The following DHRSX variants were observed in gnomAD, a reference collection of about 807,000 sequenced individuals.
DHRSX encodes dehydrogenase/reductase X-linked.
In DHRSX, 31 loss-of-function variants were observed where a neutral mutation model predicts 34.0. That is an observed-to-expected ratio of 0.91 (90% confidence interval 0.69 to 1.23). The LOEUF (loss-of-function observed/expected upper bound fraction) is 1.23, where lower values mean the gene tolerates loss of function less well. Among genes scored for constraint, DHRSX ranks in the 50% most tolerant of loss-of-function variants. The pLI, the probability that DHRSX is intolerant of heterozygous loss-of-function variation, is 0.00. For synonymous variants in DHRSX, 201 were observed against 183.8 expected (o/e 1.09, Z -0.76); for missense variants, 414 against 428.1 (o/e 0.97, Z 0.29).
chrX:2,428,955 G>A (rs1347298759), intron 1 of DHRSX, among the ~76,000 whole-genome samples: 2 of 152,070 alleles, frequency 1.3e-5, no homozygotes, highest in East Asian at 1.9e-4. Flanking sequence ...TTGTCAGCCC[G>A]TACATTTCGT....
chrX:2,250,899 C>G (rs1258400716), intron 5 of DHRSX, among the ~76,000 whole-genome samples: 1 of 151,896 alleles, frequency 6.6e-6, no homozygotes, highest in Non-Finnish European at 1.5e-5. Context: ...ATCTTAGCAA[C>G]TGAGCAATTT....
intron 1 of DHRSX, among the ~76,000 whole-genome samples, chrX:2,453,911 C>T (rs1212300373): frequency 2.0e-5 from 3 of 151,956 alleles, no homozygotes; most frequent in Non-Finnish European, 4.4e-5. Context: ...TTGGTTAATA[C>T]GTTATTAGCT....
At chrX:2,239,616 A>T (rs554783539) in intron 6 of DHRSX, among the ~76,000 whole-genome samples, 177 of 152,080 alleles carry the variant, frequency 1.2e-3, no homozygotes, top group Non-Finnish European at 1.6e-3. Context: ...AAATAAAAAA[A>T]AAATTAGCCA....
chrX:2,259,337 T>G (rs1166389322), intron 5 of DHRSX, among the ~76,000 whole-genome samples: 3 of 145,256 alleles, frequency 2.1e-5, no homozygotes, highest in South Asian at 2.2e-4. Context: ...TATAGATATA[T>G]ATAGATATAG....
At chrX:2,498,890 T>C (rs1356612646) in intron 1 of DHRSX, among the ~76,000 whole-genome samples, 2 of 152,162 alleles carry the variant, frequency 1.3e-5, no homozygotes. Flanking sequence ...AAACATGCTC[T>C]CCTGCCCTCC....
chrX:2,283,065 A>C (rs756267396), intron 4 of DHRSX, among the ~76,000 whole-genome samples: 1 of 151,346 alleles, frequency 6.6e-6, no homozygotes, highest in South Asian at 2.1e-4. Context: ...AGTTACAGAA[A>C]GAGAGAGAGA....
chrX:2,381,724 G>A (rs1282802800), intron 3 of DHRSX, among the ~76,000 whole-genome samples: 3 of 150,584 alleles, frequency 2.0e-5, no homozygotes, highest in Non-Finnish European at 2.9e-5. Context: ...AAGAGCGACA[G>A]GTAGAGTGAC....
chrX:2,467,124 T>G (rs1219525679), intron 1 of DHRSX, among the ~76,000 whole-genome samples: 3 of 151,756 alleles, frequency 2.0e-5, no homozygotes, highest in Admixed American at 6.6e-5. Flanking sequence ...AACATTTTAT[T>G]GAAATTTTTT....
chrX:2,303,845 ATGGATGGGTGGATGGG>A (rs755844988), intron 3 of DHRSX, among the ~76,000 whole-genome samples: 13 of 93,564 alleles, frequency 1.4e-4, no homozygotes, highest in East Asian at 6.7e-4. Flanking sequence ...GGATGGATGG[ATGGATGGGTGGATGGG>A]TGGATGGGTG....
At chrX:2,227,551 G>A (rs1184203934) in intron 6 of DHRSX, among the ~76,000 whole-genome samples, 1 of 123,424 alleles carries the variant, frequency 8.1e-6, no homozygotes, top group Non-Finnish European at 1.7e-5. Context: ...GAAGAAAAAA[G>A]GGAGAAAGGA....
chrX:2,489,449 G>A (rs780268011), intron 1 of DHRSX: 12 of 1,613,726 alleles, frequency 7.4e-6, no homozygotes, highest in African/African-American at 5.3e-5. Flanking sequence ...GTGCAGCAGC[G>A]GCTTCACCAT....
chrX:2,448,931 G>A lies in DHRSX; in HGVS notation c.110-23627C>T, dbSNP rs747224642. ...GGGCCGGGCGCGGTGGCTCACGCCT[G>A]TCATCCCAGCACTTTGGGAGGCTGA... On this transcript the variant is annotated intron_variant, in intron 1 of 6. Coordinates refer to ENST00000334651, the MANE Select transcript of DHRSX (RefSeq NM_145177.3). Among the ~76,000 whole-genome samples, 13 of 152,314 alleles carry A rather than the reference G, an allele frequency of 8.5e-5. No homozygotes were observed. The South Asian group carries it at 2.3e-3, about 27-fold the overall frequency.
rs1602941656 is a variant in DHRSX, at chrX:2,322,695, C to G, written c.287-31092G>C. Among the ~76,000 whole-genome samples the G allele has an allele frequency of 2.9e-5, 4 of 137,778 alleles. No individual in the cohort carries two copies. The Admixed American group carries it at 2.9e-4, about 10-fold the overall frequency. The allele number at this position is 137,778 out of a possible 152,430, so 90.4% of individuals were successfully genotyped here. A position where few individuals can be genotyped will look rare whatever the true frequency, so the allele number is the denominator to read the frequency against. On this transcript the variant is annotated intron_variant, in intron 3 of 6. Coordinates refer to ENST00000334651, the MANE Select transcript of DHRSX (RefSeq NM_145177.3). ...CCACGCCCGGCTAAAAAAAAACAAACAGCATTTTCTTTTCTCTAGCATACT... is the reference window on the plus strand; with the variant it reads ...CCACGCCCGGCTAAAAAAAAACAAAGAGCATTTTCTTTTCTCTAGCATACT...
At chrX:2,400,542 T>A (rs1395836585) in intron 3 of DHRSX, among the ~76,000 whole-genome samples, 1 of 152,096 alleles carries the variant, frequency 6.6e-6, no homozygotes, top group Non-Finnish European at 1.5e-5. Context: ...GGCACTGAGG[T>A]AGATTGTCTC....
intron 3 of DHRSX, among the ~76,000 whole-genome samples, chrX:2,372,690 C>G (rs2043088388): frequency 6.6e-6 from 1 of 151,624 alleles, no homozygotes; most frequent in Admixed American, 6.6e-5. Context: ...CTCACTGCAA[C>G]CTCCGCCTCC....
chrX:2,356,308 G>A (rs1430545729), intron 3 of DHRSX, among the ~76,000 whole-genome samples: 1 of 152,142 alleles, frequency 6.6e-6, no homozygotes. Flanking sequence ...CCAGGAGGCA[G>A]AGGTTGCAGT....
At chrX:2,495,745 A>G (rs1485810329) in intron 1 of DHRSX, among the ~76,000 whole-genome samples, 1 of 151,914 alleles carries the variant, frequency 6.6e-6, no homozygotes, top group East Asian at 1.9e-4. Flanking sequence ...CTCATTCTTC[A>G]AGACTGGTGC....
At chrX:2,426,601 CCTT>C (rs1368571870) in intron 1 of DHRSX, among the ~76,000 whole-genome samples, 3 of 147,764 alleles carry the variant, frequency 2.0e-5, no homozygotes, top group African/African-American at 7.6e-5. Context: ...CTCCCTCTTT[CCTT>C]CTTTCCTTTC....
intron 3 of DHRSX, among the ~76,000 whole-genome samples, chrX:2,297,007 GGACCCAGGCAGATA>G (rs1297352093): frequency 4.6e-4 from 70 of 150,752 alleles, no homozygotes; most frequent in Non-Finnish European, 7.7e-4. Flanking sequence ...GATAGGAATA[GGACCCAGGCAGATA>G]GACCCAGGCA....
Sources: allele counts gnomAD v4.1 joint callset (sites outside exome capture counted in the v4.1 genomes callset), GRCh38; gene constraint gnomAD v4.1.1; transcripts MANE v1.5; gene names NCBI Gene and HGNC (gene_info 2026-07-23, HGNC 2026-07-21).